Variants in PDE1C observed in about 807,000 individuals in gnomAD.
The protein encoded by PDE1C is dual specificity calcium/calmodulin-dependent 3',5'-cyclic nucleotide phosphodiesterase 1C.
A neutral mutation model predicts 93.1 loss-of-function variants in PDE1C; 62 were observed. That is an observed-to-expected ratio of 0.67 (90% CI 0.54 to 0.82). The LOEUF is 0.82. Ranked by LOEUF, PDE1C falls within the 40% of genes least tolerant of loss-of-function variation. The pLI is 0.00. For synonymous variants in PDE1C, 325 were observed against 310.1 expected, an observed-to-expected ratio of 1.05 and a Z score of -0.50; for missense variants, 742 against 884.6, an observed-to-expected ratio of 0.84 and a Z score of 2.04.
chr7:32,105,365 G>A (rs983281715), intron 3 of PDE1C, among the ~76,000 whole-genome samples: 6 of 152,140 alleles, frequency 3.9e-5, no homozygotes, highest in Non-Finnish European at 8.8e-5. Context: ...AAAATGCACA[G>A]TAACTGGTAG....
the PDE1C span, chr7:31,692,553 T>G: frequency 1.0e-3 from 1,552 of 1,559,572 alleles, 1 homozygote; most frequent in Admixed American, 1.5e-3. Context: ...TGAATGTCAG[T>G]GGTGGAAGTC....
chr7:32,078,096 A>C, intron 3 of PDE1C: 1 of 895,888 alleles, frequency 1.1e-6, no homozygotes, highest in Non-Finnish European at 1.3e-6. Flanking sequence ...TGATGCTACA[A>C]GTCAGCCAAA....
intron 1 of PDE1C, among the ~76,000 whole-genome samples, chr7:32,263,977 T>C (rs1475364675): frequency 6.6e-6 from 1 of 152,178 alleles, no homozygotes. Flanking sequence ...TATTTCACTG[T>C]CTTATTTTCT....
intron 1 of PDE1C, among the ~76,000 whole-genome samples, chr7:32,310,615 A>C (rs980820979): frequency 1.3e-5 from 2 of 152,254 alleles, no homozygotes; most frequent in South Asian, 4.1e-4. Flanking sequence ...AAACTGCTCA[A>C]CTACATGGAA....
At chr7:31,799,234 C>T (rs1785686722) in intron 16 of PDE1C, among the ~76,000 whole-genome samples, 1 of 151,654 alleles carries the variant, frequency 6.6e-6, no homozygotes, top group African/African-American at 2.4e-5. Flanking sequence ...CCACAGCCTG[C>T]TGTTTGACTC....
chr7:32,008,871 C>T (rs889445811), intron 2 of PDE1C, among the ~76,000 whole-genome samples: 32 of 151,714 alleles, frequency 2.1e-4, no homozygotes, highest in African/African-American at 4.8e-4. Context: ...GTTTACCTTA[C>T]GTGTAAATCA....
intron 2 of PDE1C, among the ~76,000 whole-genome samples, chr7:32,205,053 A>T (rs1433971531): frequency 6.6e-6 from 1 of 152,212 alleles, no homozygotes; most frequent in Admixed American, 6.5e-5. Context: ...GGTAATAACA[A>T]CCAGCCACAC....
At chr7:32,426,584 T>C (rs1785539792) in intron 1 of PDE1C, among the ~76,000 whole-genome samples, 1 of 152,108 alleles carries the variant, frequency 6.6e-6, no homozygotes. Flanking sequence ...TTGTACACGC[T>C]TAGAAAATGT....
intron 1 of PDE1C, among the ~76,000 whole-genome samples, chr7:32,359,615 C>A (rs1562689850): frequency 6.6e-6 from 1 of 152,218 alleles, no homozygotes; most frequent in Non-Finnish European, 1.5e-5. Context: ...CCAAAGCTTG[C>A]ACTCTTAATC....
chr7:32,374,140 G>A lies in PDE1C; in HGVS notation c.310+53682C>T, dbSNP rs965215891. Among the ~76,000 whole-genome samples, 9 of 126,732 alleles carry A rather than the reference G, an allele frequency of 7.1e-5. No homozygotes were observed. The East Asian group carries it at 1.1e-3, about 16-fold the overall frequency. 83.1% of individuals were successfully genotyped at this position (126,732 alleles called of 152,430 possible). On this transcript the variant is annotated intron_variant, in intron 1 of 1. Coordinates refer to the PDE1C transcript ENST00000672256. ...GGAAGGAGAGAGAGAAGAAAGAGAC[G>A]AAAGAATGAAAGAAAGAAAGAGAAA...
At chr7:31,623,945 A>G in the PDE1C span, among the ~76,000 whole-genome samples, 9 of 149,886 alleles carry the variant, frequency 6.0e-5, no homozygotes, top group Non-Finnish European at 9.0e-5. Flanking sequence ...AAATCAATGT[A>G]CAAAAATCAC....
chr7:31,739,824 T>C, the PDE1C span, among the ~76,000 whole-genome samples: 1 of 152,152 alleles, frequency 6.6e-6, no homozygotes, highest in African/African-American at 2.4e-5. Flanking sequence ...GAGAACCAAT[T>C]AGGCACCCAA....
intron 2 of PDE1C, among the ~76,000 whole-genome samples, chr7:31,882,632 A>G (rs1211303614): frequency 1.3e-5 from 2 of 152,218 alleles, no homozygotes; most frequent in Non-Finnish European, 1.5e-5. Context: ...TTTAAAGTTT[A>G]CTCTCAAACA....
At chr7:31,661,405 GA>G in the PDE1C span, among the ~76,000 whole-genome samples, 249 of 152,282 alleles carry the variant, frequency 1.6e-3, 1 homozygote, top group African/African-American at 5.7e-3. Context: ...GTCTTTGGAA[GA>G]AAACTTACAT....
chr7:32,384,557 T>G (rs557664845), intron 1 of PDE1C, among the ~76,000 whole-genome samples: 4 of 152,132 alleles, frequency 2.6e-5, no homozygotes, highest in African/African-American at 9.6e-5. Flanking sequence ...AGACACAGAG[T>G]TCAGTCTGTG....
intron 15 of PDE1C, among the ~76,000 whole-genome samples, chr7:31,814,191 C>T (rs1003773597): frequency 4.6e-5 from 7 of 152,022 alleles, no homozygotes; most frequent in African/African-American, 1.7e-4. Context: ...CTGCTATAAA[C>T]ATGTATGTGC....
intron 3 of PDE1C, among the ~76,000 whole-genome samples, chr7:32,120,052 A>G (rs190161504): frequency 6.6e-6 from 1 of 152,286 alleles, no homozygotes; most frequent in Admixed American, 6.5e-5. Context: ...TTCCCCTGCT[A>G]GAGCCAGGGA....
In PDE1C at chr7:32,147,984, T is replaced by TAAAAAAAAAAAA. The variant is rs752433564; in HGVS notation, c.308+21789_308+21800dup. ...AACTTGCCTCTCAACCCATTTATGC[T>TAAAAAAAAAAAA]AAAAAAAAAAAAAAAAAAAAAGCCT... On this transcript the variant is annotated intron_variant, in intron 3 of 18. Coordinates refer to the PDE1C transcript ENST00000396193. Among the ~76,000 whole-genome samples the TAAAAAAAAAAAA allele has an allele frequency of 1.5e-3, 116 of 79,710 alleles. 10 individuals are homozygous for TAAAAAAAAAAAA. Among genetic ancestry groups the TAAAAAAAAAAAA allele is most frequent in the African/African-American group, 6.1e-3 (109 of 17,868 alleles). 52.3% of individuals were successfully genotyped at this position (79,710 alleles called of 152,430 possible).
In PDE1C at chr7:32,084,424, T is replaced by C. The variant is rs1472082485; in HGVS notation, c.308+85361A>G. On this transcript the variant is annotated intron_variant, in intron 3 of 18. Transcript: ENST00000396193. ...AATGGGAGACTTTAACACCCCACTG[T>C]CAACATTAGACAGATCAACGAGACA... Among the ~76,000 whole-genome samples the C allele has an allele frequency of 1.3e-4, 20 of 148,358 alleles. No homozygotes were observed. In the South Asian group the frequency reaches 4.5e-3, roughly 33 times the overall value.
Sources: gnomAD v4.1 joint callset for allele counts (sites outside exome capture counted in the v4.1 genomes callset) on GRCh38, gnomAD v4.1.1 for gene constraint, MANE v1.5 for transcripts, NCBI Gene and HGNC (gene_info 2026-07-23, HGNC 2026-07-21) for gene names.